ABCC6: variants seen among roughly 807,000 people sequenced by gnomAD.
ABCC6 encodes ATP binding cassette subfamily C member 6.
ABCC6 carries 126 observed loss-of-function variants against 169.5 expected under a neutral mutation model. The observed-to-expected ratio is 0.74, with a 90% CI of 0.64 to 0.86. ABCC6 has a LOEUF of 0.86. ABCC6 is among the 40% of genes least tolerant of loss of function. The pLI, the probability that ABCC6 is intolerant of heterozygous loss-of-function variation, is 0.00. For synonymous variants in ABCC6, 752 were observed against 814.7 expected (o/e 0.92, Z 1.31); for missense variants, 1,733 against 1,927.2 (o/e 0.90, Z 1.89).
At position 16,174,760 on chromosome 16, in the gene ABCC6, A is replaced by AC. The variant is rs386789398; in HGVS notation, c.2666+1150dup. On this transcript the variant is annotated intron_variant, in intron 20 of 30. Transcript: ENST00000205557. ...CGACAGAGCAAGATTCTGTCTCAAAACCCCCCCCCGCAAAAAACAAAAAAC... is the reference window on the plus strand; with the variant it reads ...CGACAGAGCAAGATTCTGTCTCAAAACCCCCCCCCCGCAAAAAACAAAAAAC... Among the ~76,000 whole-genome samples, 354 of 94,672 alleles carry AC rather than the reference A, an allele frequency of 3.7e-3. 16 individuals are homozygous for AC. The highest frequency in any genetic ancestry group is 9.4e-3 in the South Asian group (15 of 1,588). 62.1% of individuals were successfully genotyped at this position (94,672 alleles called of 152,430 possible).
Position 16,178,885 on chromosome 16 carries a change from C to T in ABCC6, c.2328G>A (p.Leu776=), listed in dbSNP as rs749406403. 2 of 1,613,896 alleles carry T rather than the reference C, an allele frequency of 1.2e-6. No homozygotes were observed. Among genetic ancestry groups the T allele is most frequent in the Non-Finnish European group, 1.7e-6 (2 of 1,180,026 alleles). The change falls in exon 18 of 31, where the codon CTG becomes CTA. Residue 776 remains leucine (L), a synonymous_variant. Transcript: ENST00000205557. ...AVYRKAAVYL[L]DDPLAALDAH... is the part of the protein sequence containing the mutation. ...CATCCAGGGCCGCCAGGGGGTCATC[C>T]AGCAGGTACACAGCTGCCTTTCTGT...
intron 1 of ABCC6, among the ~76,000 whole-genome samples, chr16:16,222,259 A>G (rs2049098753): frequency 1.3e-5 from 2 of 152,194 alleles, no homozygotes; most frequent in Non-Finnish European, 2.9e-5. Flanking sequence ...CAGTCGGGGA[A>G]CTGCCTCCCC....
rs1477697936 is a variant in ABCC6, at chr16:16,150,669, G to A, written c.4312C>T (p.Leu1438=). ...ATAAVDPGTE[L]QMQAMLGSWF... ...CTCCCGAGCATGGCCTGCATCTGCA[G>A]CTCCGTGCCAGGGTCCACGGCAGCA... Residue 1438 remains leucine, a synonymous_variant, in exon 30 of 31, where the codon CTG becomes TTG. Transcript: ENST00000205557. The A allele has an allele frequency of 1.2e-6, 2 of 1,613,546 alleles. No individual in the cohort carries two copies. Among genetic ancestry groups the A allele is most frequent in the Non-Finnish European group, 8.5e-7 (1 of 1,179,926 alleles).
chr16:16,174,852 C>T (rs375146637), intron 20 of ABCC6, among the ~76,000 whole-genome samples: 7 of 149,610 alleles, frequency 4.7e-5, no homozygotes, highest in South Asian at 4.4e-4. Flanking sequence ...CCTCCGCCTC[C>T]GAGGTTCAAG....
intron 10 of ABCC6, among the ~76,000 whole-genome samples, chr16:16,194,589 G>T (rs1229690150): frequency 6.6e-6 from 1 of 152,162 alleles, no homozygotes; most frequent in Non-Finnish European, 1.5e-5. Context: ...TTCTGCACAG[G>T]TTATTTGGAC....
intron 10 of ABCC6, among the ~76,000 whole-genome samples, chr16:16,194,871 G>T (rs866194982): frequency 1.3e-5 from 2 of 151,828 alleles, no homozygotes; most frequent in South Asian, 4.2e-4. Context: ...GTAGAGATGG[G>T]GTTTCACCAC....
In ABCC6 at chr16:16,178,972, C is replaced by T. The variant is rs1373505823; in HGVS notation, c.2248-7G>A. 1.6e-5 allele frequency: 25 copies of T among 1,611,814 alleles called. No individual in the cohort carries two copies. The highest frequency in any genetic ancestry group is 4.4e-5 in the South Asian group (4 of 90,994). On this transcript the variant is annotated splice_region_variant and splice_polypyrimidine_tract_variant and intron_variant, in intron 17 of 30. Coordinates refer to ENST00000205557, the MANE Select transcript of ABCC6 (RefSeq NM_001171.6). ...CTCCGGAGAGATTCATGCCCTGTGG[C>T]CACAAAAGGAACAGTGGCCTGAGTC...
chr16:16,165,152 T>G (rs1027435970), intron 23 of ABCC6, among the ~76,000 whole-genome samples: 2 of 152,250 alleles, frequency 1.3e-5, no homozygotes, highest in African/African-American at 4.8e-5. Flanking sequence ...GCTCATGCCC[T>G]GTAATCCCAG....
chr16:16,155,550 C>G (rs1246500228), intron 27 of ABCC6: 1 of 164,316 alleles, frequency 6.1e-6, no homozygotes, highest in Non-Finnish European at 1.3e-5. Flanking sequence ...CTAATCCTTT[C>G]ATTCATTTAT....
At chr16:16,187,312 C>A in intron 13 of ABCC6, 101 bp from the exon 14 acceptor site, 1 of 946,900 alleles carries the variant, frequency 1.1e-6, no homozygotes, top group Non-Finnish European at 1.7e-6. Flanking sequence ...TCCTGTCTAC[C>A]AAGCTCTGTG....
At chr16:16,186,921 G>C (rs899467121) in intron 14 of ABCC6, among the ~76,000 whole-genome samples, 1 of 152,082 alleles carries the variant, frequency 6.6e-6, no homozygotes, top group Non-Finnish European at 1.5e-5. Context: ...CGCTCAGTGA[G>C]TGGTCGCTGA....
intron 10 of ABCC6, among the ~76,000 whole-genome samples, chr16:16,194,787 C>T (rs1392798219): frequency 2.6e-5 from 4 of 152,118 alleles, no homozygotes; most frequent in African/African-American, 7.2e-5. Context: ...GCTTCCCAAG[C>T]GATTCTCCTG....
Position 16,208,732 on chromosome 16 carries a change from G to C in ABCC6, c.790C>G (p.Arg264Gly), listed in dbSNP as rs376409933. The C allele has an allele frequency of 8.1e-6, 13 of 1,613,226 alleles. No homozygotes were observed. Among genetic ancestry groups the C allele is most frequent in the Middle Eastern group, 1.7e-4 (1 of 6,056 alleles). Reference sequence around the variant, plus strand: ...TCTTGACCTCCACCCACTTACCTCCGGGCTGCACTGCGGTTCCTCATCCAC... The same window carrying C: ...TCTTGACCTCCACCCACTTACCTCCCGGCTGCACTGCGGTTCCTCATCCAC... ...KEWMRNRSAA[R>G]RHNKAIAFKR... The change falls in exon 7 of 31, where the codon CGG becomes GGG. Residue 264 changes from arginine to glycine, a missense_variant. Arg to Gly is a moderately radical substitution (Grantham distance 125). Coordinates refer to ENST00000205557, the MANE Select transcript of ABCC6 (RefSeq NM_001171.6).
chr16:16,199,513 C>T (rs1242264257), intron 9 of ABCC6, among the ~76,000 whole-genome samples: 1 of 127,324 alleles, frequency 7.9e-6, no homozygotes, highest in East Asian at 2.3e-4. Flanking sequence ...TGCCTTAACC[C>T]TGGGGTCACA....
Position 16,190,177 on chromosome 16 carries a change from A to G in ABCC6, c.1622T>C (p.Val541Ala). 6.2e-7 allele frequency: 1 copy of G among 1,613,592 alleles called. No individual in the cohort carries two copies. The highest frequency in any genetic ancestry group is 8.5e-7 in the Non-Finnish European group (1 of 1,179,960). Residue 541 changes from valine to alanine, a missense_variant, in exon 12 of 31, where the codon GTG becomes GCG. Coordinates refer to ENST00000205557, the MANE Select transcript of ABCC6 (RefSeq NM_001171.6). ...LFSVSLVSFQ[V>A]STFLVALVVF... is the part of the protein sequence containing the mutation. Reference sequence around the variant, plus strand: ...GAGTGACGTCACCAGAAATGTAGACACTTGGAAGGACACCAGCGACACAGA... The same window carrying G: ...GAGTGACGTCACCAGAAATGTAGACGCTTGGAAGGACACCAGCGACACAGA...
intron 10 of ABCC6, among the ~76,000 whole-genome samples, chr16:16,195,035 G>T (rs896130475): frequency 6.6e-6 from 1 of 151,998 alleles, no homozygotes; most frequent in South Asian, 2.1e-4. Context: ...CGGCAATGGC[G>T]CTACCTAGTG....
At chr16:16,183,309 A>G (rs201200922) in intron 15 of ABCC6, among the ~76,000 whole-genome samples, 3 of 152,138 alleles carry the variant, frequency 2.0e-5, no homozygotes, top group Admixed American at 6.5e-5. Context: ...AGGGTTGACT[A>G]TAGCCTGAGG....
intron 19 of ABCC6, among the ~76,000 whole-genome samples, chr16:16,177,192 G>T (rs1196496071): frequency 6.6e-6 from 1 of 152,222 alleles, no homozygotes; most frequent in Non-Finnish European, 1.5e-5. Context: ...AACTTCACAT[G>T]CCTCTGGGGC....
At chr16:16,172,288 A>C (rs1214090035) in intron 21 of ABCC6, among the ~76,000 whole-genome samples, 1 of 49,586 alleles carries the variant, frequency 2.0e-5, no homozygotes, top group African/African-American at 8.6e-5. Flanking sequence ...GGTGGGATGC[A>C]TAAATGAGTG....
Sources: gnomAD v4.1 joint callset for allele counts (sites outside exome capture counted in the v4.1 genomes callset) on GRCh38, gnomAD v4.1.1 for gene constraint, MANE v1.5 for transcripts, NCBI Gene and HGNC (gene_info 2026-07-23, HGNC 2026-07-21) for gene names.